Variants in KLHL3 observed in about 807,000 individuals in gnomAD.
KLHL3 encodes the protein kelch-like protein 3.
In KLHL3, 19 loss-of-function variants were observed where a neutral mutation model predicts 70.5. The ratio of observed to expected loss-of-function variants is 0.27; its 90% CI spans 0.19 to 0.40. The LOEUF (loss-of-function observed/expected upper bound fraction) is 0.40, where lower values mean the gene tolerates loss of function less well. Among genes scored for constraint, KLHL3 ranks in the 10% least tolerant of loss-of-function variants. The probability of loss-of-function intolerance (pLI) is 1.00; values close to 1 mark genes in which losing one functional copy is unlikely to be tolerated. For missense variants in KLHL3, 512 were observed against 771.1 expected (o/e 0.66, Z 3.98); for synonymous variants, 258 against 290.3 (o/e 0.89, Z 1.13).
At chr5:137,637,176 C>G in intron 11 of KLHL3, 118 bp downstream of exon 11, 1 of 746,524 alleles carries the variant, frequency 1.3e-6, no homozygotes, top group Non-Finnish European at 2.3e-6. Context: ...GTACCTAACC[C>G]AGAGGAGTGA....
rs143617205 is a variant in KLHL3 at position 137,658,278 on chromosome 5, C to A, written c.756G>T (p.Thr252=). Residue 252 remains threonine, a splice_region_variant and synonymous_variant, in exon 8 of 15, where the codon ACG becomes ACT. Transcript: ENST00000309755. ...TCTTTATCAAAGCTTCTTCTTCAAC[C>A]GTCTAGAGGTAATAATCCACAGATG... ...PLLPRDYLVQ[T]VEEEALIKNN... is the part of the protein sequence containing the mutation. The A allele has an allele frequency of 1.2e-6, 2 of 1,613,912 alleles. No homozygotes were observed. The highest frequency in any genetic ancestry group is 3.3e-5 in the Admixed American group (2 of 60,008).
Position 137,622,065 on chromosome 5 carries a change from C to T in KLHL3, c.*33G>A. On this transcript the variant is annotated 3_prime_UTR_variant, in exon 15 of 15. Transcript: ENST00000309755. ...TTCAGAGTCACAGGCAGCACCTGCTCCTTCCTCCACCTCCTGGCAGTAGGA... is the reference window on the plus strand; with the variant it reads ...TTCAGAGTCACAGGCAGCACCTGCTTCTTCCTCCACCTCCTGGCAGTAGGA... The T allele has an allele frequency of 6.2e-7, 1 of 1,613,624 alleles. No homozygotes were observed. The highest frequency in any genetic ancestry group is 8.5e-7 in the Non-Finnish European group (1 of 1,179,496).
At chr5:137,677,736 ACAGTAGAGTCCTGGAG>A in intron 5 of KLHL3, 82 bp from the exon 6 acceptor site, 1 of 850,382 alleles carries the variant, frequency 1.2e-6, no homozygotes, top group East Asian at 2.7e-5. Flanking sequence ...TGTGGGATTC[ACAGTAGAGTCCTGGAG>A]CAGGCCAGGG....
chr5:137,724,670 T>C (rs531176798), intron 1 of KLHL3, among the ~76,000 whole-genome samples: 1 of 152,338 alleles, frequency 6.6e-6, no homozygotes, highest in South Asian at 2.1e-4. Context: ...GCTTGACATC[T>C]GAAGGAAGCC....
chr5:137,710,819 T>A (rs1425068806), intron 2 of KLHL3, among the ~76,000 whole-genome samples: 5 of 152,122 alleles, frequency 3.3e-5, no homozygotes, highest in Admixed American at 3.3e-4. Flanking sequence ...TACCACCCCA[T>A]GAGATAGGGC....
At chr5:137,641,652 C>A (rs1750916816) in intron 8 of KLHL3, among the ~76,000 whole-genome samples, 1 of 152,170 alleles carries the variant, frequency 6.6e-6, no homozygotes, top group African/African-American at 2.4e-5. Flanking sequence ...GGAGGCAAAA[C>A]CAGAGCTCAC....
chr5:137,657,564 T>A (rs1053619131), intron 8 of KLHL3, among the ~76,000 whole-genome samples: 2 of 152,112 alleles, frequency 1.3e-5, no homozygotes, highest in African/African-American at 2.4e-5. Context: ...TTCCTTCCCT[T>A]TCCCTGGCTG....
At chr5:137,686,033 T>C (rs1752155610) in intron 5 of KLHL3, among the ~76,000 whole-genome samples, 1 of 152,094 alleles carries the variant, frequency 6.6e-6, no homozygotes, top group Non-Finnish European at 1.5e-5. Flanking sequence ...AAAGAAAGCT[T>C]TTTAGAGAAG....
chr5:137,652,738 T>C (rs898253435), intron 8 of KLHL3, among the ~76,000 whole-genome samples: 1 of 152,214 alleles, frequency 6.6e-6, no homozygotes, highest in African/African-American at 2.4e-5. Flanking sequence ...TCAAGAGATT[T>C]ATAGTACAAC....
intron 6 of KLHL3, among the ~76,000 whole-genome samples, chr5:137,676,031 A>G (rs1377566148): frequency 6.6e-6 from 1 of 152,136 alleles, no homozygotes; most frequent in Non-Finnish European, 1.5e-5. Flanking sequence ...GCATCCTCTC[A>G]GTTTCTGACT....
At position 137,639,102 on chromosome 5, in the gene KLHL3, C is replaced by A; in HGVS notation, c.1070G>T (p.Gly357Val). The A allele has an allele frequency of 1.2e-6, 2 of 1,614,050 alleles. No individual in the cohort carries two copies. Among genetic ancestry groups the A allele is most frequent in the Non-Finnish European group, 1.7e-6 (2 of 1,179,982 alleles). The change falls in exon 10 of 15, where the codon GGC (glycine) becomes GTC (valine). Residue 357 changes from glycine (G) to valine (V), a missense_variant. Coordinates refer to ENST00000309755, the MANE Select transcript of KLHL3 (RefSeq NM_017415.3). This position sits in a 1 kb window ranked among gnomAD's most constrained non-coding sequence, Gnocchi z 5.0. ...GHVYAVGGFN[G>V]SLRVRTVDVY... ...ATCCACTGTCCGCACCCGCAGTGAGCCATTAAACCCTCCCACGGCATACAC... is the reference window on the plus strand; with the variant it reads ...ATCCACTGTCCGCACCCGCAGTGAGACATTAAACCCTCCCACGGCATACAC...
At chr5:137,663,189 T>C (rs1190697398) in intron 6 of KLHL3, among the ~76,000 whole-genome samples, 2 of 151,584 alleles carry the variant, frequency 1.3e-5, no homozygotes, top group Non-Finnish European at 2.9e-5. Context: ...CCCTAGTAGC[T>C]GGGATTACAG....
intron 8 of KLHL3, among the ~76,000 whole-genome samples, chr5:137,647,029 G>A (rs1257147183): frequency 6.6e-6 from 1 of 152,130 alleles, no homozygotes; most frequent in Non-Finnish European, 1.5e-5. Context: ...GTGAATGGAG[G>A]TTCTCTGGTT....
intron 8 of KLHL3, among the ~76,000 whole-genome samples, chr5:137,650,933 C>T (rs898179949): frequency 3.3e-5 from 5 of 151,982 alleles, no homozygotes; most frequent in African/African-American, 4.8e-5. Flanking sequence ...CCTTACAACC[C>T]TTCTAACCCC....
chr5:137,694,562 TG>T (rs1752401879), intron 4 of KLHL3, among the ~76,000 whole-genome samples: 1 of 152,140 alleles, frequency 6.6e-6, no homozygotes, highest in Non-Finnish European at 1.5e-5. Context: ...GCTAGTCAAA[TG>T]GGGATCCATT....
rs532059185 is a variant in KLHL3 at position 137,650,351 on chromosome 5, G to A, written c.903+7780C>T. On this transcript the variant is annotated intron_variant, in intron 8 of 14. Transcript: ENST00000309755. ...GAGTGTTTTTCCTGTACCCCTATGA[G>A]GGCATTTACTCACTCCATTGCAATT... Among the ~76,000 whole-genome samples the A allele has an allele frequency of 9.2e-5, 14 of 152,240 alleles. No individual in the cohort carries two copies. The South Asian group carries it at 2.1e-3, about 23-fold the overall frequency.
intron 6 of KLHL3, among the ~76,000 whole-genome samples, chr5:137,665,404 G>A (rs866611044): frequency 4.6e-5 from 7 of 152,224 alleles, no homozygotes; most frequent in South Asian, 2.1e-4. Context: ...GAATTTCCTC[G>A]TTCTTAAGAG....
chr5:137,727,348 C>A (rs1753100835), intron 1 of KLHL3, among the ~76,000 whole-genome samples: 1 of 152,104 alleles, frequency 6.6e-6, no homozygotes, highest in African/African-American at 2.4e-5. Context: ...TCCAGGTCAT[C>A]ATTGTCTCTT....
At position 137,626,554 on chromosome 5, in the gene KLHL3, T is replaced by C. The variant is rs1037265958; in HGVS notation, c.1592-658A>G. 2.4e-4 allele frequency among the ~76,000 whole-genome samples: 37 copies of C among 152,216 alleles called. 1 individual carries two copies. Among genetic ancestry groups the C allele is most frequent in the African/African-American group, 8.4e-4 (35 of 41,450 alleles). On this transcript the variant is annotated intron_variant, in intron 13 of 14. Transcript: ENST00000309755. ...CTTTCAAAGGCCACAGTCCAATATG[T>C]TGTGTATTTTTTCAAAATTAGATTA...
Sources: allele counts gnomAD v4.1 joint callset (sites outside exome capture counted in the v4.1 genomes callset), GRCh38; gene constraint gnomAD v4.1.1; non-coding constraint Gnocchi (gnomAD v3.1); transcripts MANE v1.5; gene names NCBI Gene and HGNC (gene_info 2026-07-23, HGNC 2026-07-21).